The following JAZF1 variants were observed in gnomAD, a reference collection of about 807,000 sequenced individuals.
JAZF1 encodes the protein JAZF zinc finger 1.
Under a neutral mutation model 26.4 loss-of-function variants are expected in JAZF1, and 8 were observed. The ratio of observed to expected loss-of-function variants is 0.30; its 90% CI spans 0.18 to 0.55. The LOEUF (loss-of-function observed/expected upper bound fraction) is 0.55. Ranked by LOEUF, JAZF1 falls within the 20% of genes least tolerant of loss-of-function variation. The pLI, the probability that JAZF1 is intolerant of heterozygous loss-of-function variation, is 0.94. For missense variants in JAZF1, 199 were observed against 322.0 expected, an observed-to-expected ratio of 0.62 and a Z score of 2.92; for synonymous variants, 126 against 122.3, an observed-to-expected ratio of 1.03 and a Z score of -0.20.
At chr7:27,948,560 G>A (rs1784955903) in intron 2 of JAZF1, among the ~76,000 whole-genome samples, 1 of 152,128 alleles carries the variant, frequency 6.6e-6, no homozygotes, top group Admixed American at 6.5e-5. Context: ...CTTATCATTT[G>A]TACACCCCTG....
intron 3 of JAZF1, among the ~76,000 whole-genome samples, chr7:27,854,279 G>A (rs1004795541): frequency 2.0e-5 from 3 of 152,100 alleles, no homozygotes; most frequent in African/African-American, 7.2e-5. Flanking sequence ...CACGAGATGG[G>A]TCTCCCGAAT....
intron 3 of JAZF1, among the ~76,000 whole-genome samples, chr7:27,845,469 C>T (rs972817893): frequency 6.6e-6 from 1 of 152,014 alleles, no homozygotes; most frequent in African/African-American, 2.4e-5. Context: ...GAGGCCGAGG[C>T]GGGTGGATCA....
chr7:28,079,715 TACTC>T (rs1401644006), intron 1 of JAZF1, among the ~76,000 whole-genome samples: 2 of 152,252 alleles, frequency 1.3e-5, no homozygotes, highest in African/African-American at 4.8e-5. Flanking sequence ...CATTTAATTG[TACTC>T]ACTATGTAGT....
chr7:27,860,392 G>A (rs1370516786), intron 3 of JAZF1, among the ~76,000 whole-genome samples: 1 of 152,172 alleles, frequency 6.6e-6, no homozygotes, highest in Non-Finnish European at 1.5e-5. Flanking sequence ...GTTGCACTAT[G>A]ATGACACTGA....
At chr7:28,061,019 A>G (rs1234147903) in intron 1 of JAZF1, among the ~76,000 whole-genome samples, 1 of 152,244 alleles carries the variant, frequency 6.6e-6, no homozygotes, top group Non-Finnish European at 1.5e-5. Flanking sequence ...GCCTGGGTTC[A>G]AATTTCTGCA....
chr7:28,071,777 C>A, intron 1 of JAZF1: 1 of 389,168 alleles, frequency 2.6e-6, no homozygotes, highest in Non-Finnish European at 5.3e-6. Flanking sequence ...TGCAAATTTG[C>A]AGAGGAGGAA....
intron 1 of JAZF1, among the ~76,000 whole-genome samples, chr7:28,028,579 TAAC>T (rs1290413522): frequency 2.6e-5 from 4 of 152,206 alleles, no homozygotes; most frequent in Non-Finnish European, 5.9e-5. Flanking sequence ...CCCAGGAATG[TAAC>T]AACAATGCAT....
intron 2 of JAZF1, among the ~76,000 whole-genome samples, chr7:27,990,098 G>A (rs865880067): frequency 6.6e-6 from 1 of 152,222 alleles, no homozygotes; most frequent in African/African-American, 2.4e-5. Flanking sequence ...GGAATACTAT[G>A]CAGCCATAAA....
At position 28,180,478 on chromosome 7, in the gene JAZF1, C is replaced by T. The variant is rs1783627291; in HGVS notation, c.100G>A (p.Glu34Lys). ...PTLADLIEHI[E>K]DNHIDTDPRV... The stretch of plus-strand genomic sequence containing the variant: ...GGCCATTTACCGATGTGGTTGTCCT[C>T]GATGTGCTCGATGAGGTCGGCCAGG... The change falls in exon 1 of 5, where the codon GAG (glutamate) becomes AAG (lysine). Residue 34 changes from glutamate (E) to lysine (K), a missense_variant. Physicochemically the swap from Glu to Lys is moderately conservative, Grantham distance 56 (BLOSUM62 1). Transcript: ENST00000283928. The T allele has an allele frequency of 6.2e-7, 1 of 1,610,858 alleles. No individual in the cohort carries two copies. Among genetic ancestry groups the T allele is most frequent in the Non-Finnish European group, 8.5e-7 (1 of 1,178,872 alleles).
At chr7:27,941,226 C>T (rs1784841838) in intron 2 of JAZF1, among the ~76,000 whole-genome samples, 2 of 152,214 alleles carry the variant, frequency 1.3e-5, no homozygotes, top group Admixed American at 1.3e-4. Flanking sequence ...AATAAGATTT[C>T]AAGCTTTAAA....
intron 1 of JAZF1, among the ~76,000 whole-genome samples, chr7:28,035,098 C>T (rs1783262924): frequency 6.6e-6 from 1 of 151,816 alleles, no homozygotes. Context: ...AAGTGGATCA[C>T]CTGAGGTCAG....
In JAZF1 at chr7:27,992,008, T is replaced by C. The variant is rs753505303; in HGVS notation, c.116-27A>G. On this transcript the variant is annotated intron_variant, in intron 1 of 4. Coordinates refer to ENST00000283928, the MANE Select transcript of JAZF1 (RefSeq NM_175061.4). The stretch of plus-strand genomic sequence containing the variant: ...TGTAATAAAAACACAATTACGATTT[T>C]TTTTAGATTTTGCATCAGAATATAT... 3.6e-6 allele frequency: 5 copies of C among 1,394,562 alleles called. No homozygotes were observed. In the Admixed American group the frequency reaches 8.4e-5, roughly 23 times the overall value. 86.4% of individuals were successfully genotyped at this position (1,394,562 alleles called of 1,614,324 possible). A position where few individuals can be genotyped will look rare whatever the true frequency, so the allele number is the denominator to read the frequency against.
chr7:27,968,992 G>A (rs1785325492), intron 2 of JAZF1, among the ~76,000 whole-genome samples: 1 of 152,124 alleles, frequency 6.6e-6, no homozygotes, highest in Non-Finnish European at 1.5e-5. Flanking sequence ...GTACCAAGAT[G>A]GCCCCCAATG....
chr7:28,027,603 G>A (rs925468005), intron 1 of JAZF1, among the ~76,000 whole-genome samples: 2 of 152,132 alleles, frequency 1.3e-5, no homozygotes, highest in African/African-American at 4.8e-5. Context: ...GGAGAGTGGG[G>A]AGAGCACTCT....
intron 2 of JAZF1, among the ~76,000 whole-genome samples, chr7:27,991,190 G>A (rs186693956): frequency 6.6e-6 from 1 of 152,276 alleles, no homozygotes; most frequent in Non-Finnish European, 1.5e-5. Context: ...TTCATTCCCT[G>A]AATTATGAGC....
At chr7:28,111,957 G>A (rs1239421655) in intron 1 of JAZF1, among the ~76,000 whole-genome samples, 2 of 152,170 alleles carry the variant, frequency 1.3e-5, no homozygotes, top group Admixed American at 1.3e-4. Context: ...CTAGAATTGT[G>A]TAGTATTATG....
chr7:27,852,659 CCCTG>C (rs1384018324), intron 3 of JAZF1, among the ~76,000 whole-genome samples: 2 of 152,154 alleles, frequency 1.3e-5, no homozygotes, highest in East Asian at 1.9e-4. Context: ...ACTCACAAGT[CCCTG>C]CCTATCTGCT....
chr7:28,014,775 C>T (rs1336023400), intron 1 of JAZF1, among the ~76,000 whole-genome samples: 2 of 152,202 alleles, frequency 1.3e-5, no homozygotes, highest in Non-Finnish European at 2.9e-5. Flanking sequence ...GAATGTCTCT[C>T]TACTCTGGGG....
At position 28,097,999 on chromosome 7, in the gene JAZF1, C is replaced by T. The variant is rs151316565; in HGVS notation, c.115+82464G>A. Among the ~76,000 whole-genome samples the T allele has an allele frequency of 6.8e-3, 1,037 of 152,242 alleles. 18 individuals carry two copies. Among genetic ancestry groups the T allele is most frequent in the African/African-American group, 0.024 (983 of 41,538 alleles). ...CATGATGAAACTGAAGCACACAAAA[C>T]GGAACATTTTGTCTCTAGACCCCAG... On this transcript the variant is annotated intron_variant, in intron 1 of 4. Coordinates refer to ENST00000283928, the MANE Select transcript of JAZF1 (RefSeq NM_175061.4).
Sources: allele counts gnomAD v4.1 joint callset (sites outside exome capture counted in the v4.1 genomes callset), GRCh38; gene constraint gnomAD v4.1.1; transcripts MANE v1.5; gene names NCBI Gene and HGNC (gene_info 2026-07-23, HGNC 2026-07-21).